Variants in LRRFIP2 observed in about 807,000 individuals in gnomAD.
LRRFIP2 encodes LRR binding FLII interacting protein 2.
Under a neutral mutation model 125.9 loss-of-function variants are expected in LRRFIP2, and 109 were observed. That is an observed-to-expected ratio of 0.87 (90% CI 0.74 to 1.01). The LOEUF is 1.01. LRRFIP2 is among the 50% of genes least tolerant of loss of function. The pLI is 0.00. For synonymous variants in LRRFIP2, 291 were observed against 293.1 expected, an observed-to-expected ratio of 0.99 and a Z score of 0.07; for missense variants, 850 against 862.3, an observed-to-expected ratio of 0.99 and a Z score of 0.18.
At chr3:37,120,102 ATTC>A (rs1158558581) in intron 6 of LRRFIP2, among the ~76,000 whole-genome samples, 1 of 148,452 alleles carries the variant, frequency 6.7e-6, no homozygotes, top group African/African-American at 2.5e-5. Context: ...ATCTGTTAAT[ATTC>A]TTTTTTTTTT....
At chr3:37,090,360 C>T (rs980621731) in intron 18 of LRRFIP2, among the ~76,000 whole-genome samples, 12 of 152,120 alleles carry the variant, frequency 7.9e-5, no homozygotes, top group Non-Finnish European at 1.3e-4. Context: ...TCCCAAGTAG[C>T]TTGGATTACA....
At chr3:37,157,740 G>A (rs907762328) in intron 1 of LRRFIP2, among the ~76,000 whole-genome samples, 1 of 152,082 alleles carries the variant, frequency 6.6e-6, no homozygotes, top group Non-Finnish European at 1.5e-5. Flanking sequence ...CAAAACTGGA[G>A]AACTTGGCAA....
At chr3:37,089,820 A>G (rs1428665003) in intron 18 of LRRFIP2, among the ~76,000 whole-genome samples, 1 of 152,236 alleles carries the variant, frequency 6.6e-6, no homozygotes, top group East Asian at 1.9e-4. Context: ...TTGATCCAAG[A>G]TAATTTCAAA....
intron 1 of LRRFIP2, among the ~76,000 whole-genome samples, chr3:37,155,180 T>C (rs2096147715): frequency 6.6e-6 from 1 of 152,220 alleles, no homozygotes; most frequent in African/African-American, 2.4e-5. Context: ...TTCACTGATA[T>C]AACATGGTTA....
intron 1 of LRRFIP2, among the ~76,000 whole-genome samples, chr3:37,165,795 G>GAAAAAAAGAA (rs1469041806): frequency 2.2e-4 from 4 of 18,038 alleles, no homozygotes; most frequent in African/African-American, 7.0e-4. Flanking sequence ...GAGAAAGAAA[G>GAAAAAAAGAA]AGAAAGAAAG....
intron 23 of LRRFIP2, chr3:37,064,850 C>T (rs549848304): frequency 6.6e-6 from 1 of 152,184 alleles, no homozygotes; most frequent in Admixed American, 6.5e-5. Context: ...CCTGCTTGGA[C>T]CTGCAGACGA....
chr3:37,107,897 T>C (rs1559875791), intron 13 of LRRFIP2, among the ~76,000 whole-genome samples, 176 bp downstream of exon 13: 2 of 152,222 alleles, frequency 1.3e-5, no homozygotes, highest in African/African-American at 4.8e-5. Context: ...GTCACATTTA[T>C]AGAGAAATCA....
chr3:37,081,846 T>G (rs909955632), intron 19 of LRRFIP2, among the ~76,000 whole-genome samples: 75 of 142,562 alleles, frequency 5.3e-4, no homozygotes, highest in African/African-American at 1.9e-3. Flanking sequence ...ATACTTGCGC[T>G]ACTCCACTCC....
chr3:37,142,389 A>G (rs2095733073), intron 2 of LRRFIP2, among the ~76,000 whole-genome samples: 1 of 151,988 alleles, frequency 6.6e-6, no homozygotes, highest in Non-Finnish European at 1.5e-5. Flanking sequence ...CAATCCGCCC[A>G]CCTCGGCCTC....
intron 1 of LRRFIP2, among the ~76,000 whole-genome samples, chr3:37,164,104 ATCTGTTGG>A (rs1448559935): frequency 2.3e-4 from 35 of 152,234 alleles, no homozygotes; most frequent in African/African-American, 7.7e-4. Flanking sequence ...CTCTTGAAAA[ATCTGTTGG>A]CGCATTTAGG....
intron 18 of LRRFIP2, among the ~76,000 whole-genome samples, chr3:37,084,968 A>G (rs2092936941): frequency 6.6e-6 from 1 of 152,256 alleles, no homozygotes; most frequent in South Asian, 2.1e-4. Flanking sequence ...ACTTACATTT[A>G]CAATCAGTTA....
intron 16 of LRRFIP2, among the ~76,000 whole-genome samples, chr3:37,096,380 A>G (rs2093718871): frequency 6.6e-6 from 1 of 152,212 alleles, no homozygotes; most frequent in South Asian, 2.1e-4. Flanking sequence ...AAATCAAAAG[A>G]GCAGCCAAAA....
chr3:37,162,732 A>C (rs1354889268), intron 1 of LRRFIP2, among the ~76,000 whole-genome samples: 1 of 152,208 alleles, frequency 6.6e-6, no homozygotes, highest in East Asian at 1.9e-4. Context: ...TCTCAGAAAG[A>C]AAGCTACAGA....
At chr3:37,168,765 C>T (rs2096544386) in intron 1 of LRRFIP2, among the ~76,000 whole-genome samples, 1 of 152,236 alleles carries the variant, frequency 6.6e-6, no homozygotes, top group East Asian at 1.9e-4. Flanking sequence ...TGGAGCTGTC[C>T]TATACACGTG....
chr3:37,103,514 T>C (rs1170043379), intron 14 of LRRFIP2, among the ~76,000 whole-genome samples: 1 of 152,060 alleles, frequency 6.6e-6, no homozygotes, highest in African/African-American at 2.4e-5. Context: ...TAAGACAAAA[T>C]AATGAAGGAA....
At chr3:37,054,364 T>G (rs1245233292) in intron 27 of LRRFIP2, 47 bp downstream of exon 27, 1 of 1,445,102 alleles carries the variant, frequency 6.9e-7, no homozygotes, top group African/African-American at 1.4e-5. Flanking sequence ...CAGAAGATTT[T>G]TTCTTTTTAG....
intron 17 of LRRFIP2, among the ~76,000 whole-genome samples, chr3:37,094,102 T>A (rs1028212952): frequency 6.6e-6 from 1 of 152,138 alleles, no homozygotes; most frequent in South Asian, 2.1e-4. Flanking sequence ...GTCTTCCCTA[T>A]GAAAAAGGGA....
rs188815329 is a variant in LRRFIP2, at chr3:37,061,681, C to T, written c.1749+2061G>A. Among the ~76,000 whole-genome samples the T allele has an allele frequency of 7.5e-3, 1,136 of 152,162 alleles. 13 individuals are homozygous for T. Among genetic ancestry groups the T allele is most frequent in the Non-Finnish European group, 6.8e-3 (464 of 68,002 alleles). On this transcript the variant is annotated intron_variant, in intron 24 of 27. Transcript: ENST00000336686. ...GGATTACAGGCATGAGCTGCTGTGC[C>T]CAGTCAAACATCTTTTCTTTATAAA... is the stretch of plus-strand genomic sequence containing the variant.
intron 2 of LRRFIP2, among the ~76,000 whole-genome samples, chr3:37,147,214 C>T (rs1344500879): frequency 1.3e-5 from 2 of 152,144 alleles, no homozygotes; most frequent in Admixed American, 6.6e-5. Flanking sequence ...ACAACAGATG[C>T]TGACGAGGCT....
Sources: allele counts gnomAD v4.1 joint callset (sites outside exome capture counted in the v4.1 genomes callset), GRCh38; gene constraint gnomAD v4.1.1; transcripts MANE v1.5; gene names NCBI Gene and HGNC (gene_info 2026-07-23, HGNC 2026-07-21).